Variants in LYZL2 observed in about 807,000 individuals in gnomAD.
LYZL2 encodes lysozyme like 2.
Under a neutral mutation model 17.1 loss-of-function variants are expected in LYZL2, and 13 were observed. That is an observed-to-expected ratio of 0.76 (90% confidence interval 0.49 to 1.21). The LOEUF (loss-of-function observed/expected upper bound fraction) is 1.21, where lower values mean the gene tolerates loss of function less well. Among genes scored for constraint, LYZL2 ranks in the 50% most tolerant of loss-of-function variants. LYZL2 has a pLI of 0.00. For missense variants in LYZL2, 166 were observed against 189.2 expected, an observed-to-expected ratio of 0.88 and a Z score of 0.72; for synonymous variants, 63 against 74.4, an observed-to-expected ratio of 0.85 and a Z score of 0.79.
At position 30,626,104 on chromosome 10, in the gene LYZL2, C is replaced by T. The variant is rs551361607; in HGVS notation, c.298+1G>A. ...GCATCACTGGAAAGTCAGAGCCTCA[C>T]CTGAGCAGGCGACGTGGCAGTGGTT... On this transcript the variant is annotated splice_donor_variant, in intron 3 of 4. Transcript: ENST00000647634. LOFTEE classifies it high-confidence loss of function. 485 of 1,613,452 alleles carry T rather than the reference C, an allele frequency of 3.0e-4. 5 individuals carry two copies. In the South Asian group the frequency reaches 5.1e-3, roughly 17 times the overall value.
chr10:30,614,747 A>AG (rs1193781746), intron 3 of LYZL2, among the ~76,000 whole-genome samples: 4 of 152,164 alleles, frequency 2.6e-5, no homozygotes, highest in Non-Finnish European at 4.4e-5. Context: ...TCAATGTCTC[A>AG]GGAAACCAAC....
At chr10:30,612,175 G>A in intron 4 of LYZL2, 151 bp from the exon 5 acceptor site, 1 of 954,726 alleles carries the variant, frequency 1.0e-6, no homozygotes, top group Non-Finnish European at 1.6e-6. Context: ...CTGTCATTTT[G>A]CCTAGTTCAG....
intron 3 of LYZL2, among the ~76,000 whole-genome samples, chr10:30,613,678 TAAATC>T (rs939185005): frequency 6.6e-6 from 1 of 152,160 alleles, no homozygotes; most frequent in Non-Finnish European, 1.5e-5. Context: ...TTTTACCTTT[TAAATC>T]AAATACACCA....
chr10:30,608,420 T>C (rs955282754), downstream of LYZL2, among the ~76,000 whole-genome samples: 5 of 152,226 alleles, frequency 3.3e-5, no homozygotes, highest in African/African-American at 9.6e-5. Flanking sequence ...CTTGAAGAGA[T>C]TAAATTGCTC....
In LYZL2 at chr10:30,618,149, C is replaced by T. The variant is rs1322782237; in HGVS notation, c.299-5249G>A. On this transcript the variant is annotated intron_variant, in intron 3 of 4. Transcript: ENST00000647634. Reference sequence around the variant, plus strand: ...TGAAGGACCTCTTCAAGGAGAACTACAAACCACTGCTCAAGGAAGTAAAAG... The same window carrying T: ...TGAAGGACCTCTTCAAGGAGAACTATAAACCACTGCTCAAGGAAGTAAAAG... Among the ~76,000 whole-genome samples, 3 of 152,066 alleles carry T rather than the reference C, an allele frequency of 2.0e-5. No homozygotes were observed. In the East Asian group the frequency reaches 5.8e-4, roughly 29 times the overall value.
At chr10:30,612,930 C>A (rs781642095) in intron 3 of LYZL2, 30 bp from the exon 4 acceptor site, 6 of 1,585,082 alleles carry the variant, frequency 3.8e-6, no homozygotes, top group Non-Finnish European at 4.3e-6. Flanking sequence ...CAGGGTTAGG[C>A]GAGACTTTGT....
intron 3 of LYZL2, among the ~76,000 whole-genome samples, chr10:30,617,747 C>G (rs1332387751): frequency 1.3e-5 from 2 of 149,452 alleles, no homozygotes; most frequent in African/African-American, 2.5e-5. Context: ...TGGAAGCATT[C>G]CCTTTGAAAA....
downstream of LYZL2, among the ~76,000 whole-genome samples, chr10:30,607,789 C>A (rs1838393175): frequency 6.6e-6 from 1 of 152,118 alleles, no homozygotes; most frequent in African/African-American, 2.4e-5. Flanking sequence ...GAATTTCCAC[C>A]CTTAGACATC....
chr10:30,621,680 A>G (rs1415554281), intron 3 of LYZL2, among the ~76,000 whole-genome samples: 1 of 152,192 alleles, frequency 6.6e-6, no homozygotes, highest in Admixed American at 6.5e-5. Flanking sequence ...CAAAATAAGT[A>G]CAGATATTTT....
chr10:30,614,264 G>T (rs1316543531), intron 3 of LYZL2, among the ~76,000 whole-genome samples: 4 of 152,246 alleles, frequency 2.6e-5, no homozygotes, highest in African/African-American at 7.2e-5. Flanking sequence ...GGAATCGGCT[G>T]GGGGGAAGCA....
chr10:30,608,436 G>A (rs1588670844), downstream of LYZL2, among the ~76,000 whole-genome samples: 1 of 152,190 alleles, frequency 6.6e-6, no homozygotes, highest in African/African-American at 2.4e-5. Flanking sequence ...TGCTCCTGCA[G>A]ATCTTTCAGG....
chr10:30,620,736 A>T (rs774230243), intron 3 of LYZL2, among the ~76,000 whole-genome samples: 1 of 152,228 alleles, frequency 6.6e-6, no homozygotes, highest in African/African-American at 2.4e-5. Flanking sequence ...TATAAATATG[A>T]TGATTTATAT....
intron 3 of LYZL2, among the ~76,000 whole-genome samples, chr10:30,620,656 G>C (rs1838605640): frequency 6.6e-6 from 1 of 152,136 alleles, no homozygotes; most frequent in South Asian, 2.1e-4. Context: ...CTAAGAAAAA[G>C]ATCGGTCAAG....
intron 3 of LYZL2, among the ~76,000 whole-genome samples, chr10:30,624,418 C>T (rs530349536): frequency 6.6e-6 from 1 of 152,326 alleles, no homozygotes; most frequent in East Asian, 1.9e-4. Context: ...TCCCGGCAGA[C>T]CTTTTGTACC....
At chr10:30,611,570 G>GGAAGGAAGGAAGGAAGGAAAGAAA (rs1491344870), downstream of LYZL2, among the ~76,000 whole-genome samples, 38 of 54,092 alleles carry the variant, frequency 7.0e-4, no homozygotes, top group Non-Finnish European at 1.1e-3. Flanking sequence ...AAGGAAGGAA[G>GGAAGGAAGGAAGGAAGGAAAGAAA]GAAAGAAAGA....
intron 3 of LYZL2, among the ~76,000 whole-genome samples, chr10:30,617,674 C>CAAAAAAAAAAAAAAAAAAAAAAAAAAAAA (rs1165550893): frequency 1.2e-4 from 6 of 50,218 alleles, no homozygotes; most frequent in East Asian, 1.1e-3. Flanking sequence ...GACTCTGTCT[C>CAAAAAAAAAAAAAAAAAAAAAAAAAAAAA]AAAAAAAAAA....
intron 3 of LYZL2, among the ~76,000 whole-genome samples, chr10:30,620,759 G>A (rs1443731753): frequency 1.3e-5 from 2 of 151,854 alleles, no homozygotes; most frequent in African/African-American, 4.8e-5. Flanking sequence ...AGGACTTAAA[G>A]AGAAACAGGA....
intron 3 of LYZL2, among the ~76,000 whole-genome samples, chr10:30,619,416 TGG>T (rs1838584769): frequency 1.3e-5 from 2 of 152,288 alleles, no homozygotes; most frequent in Admixed American, 1.3e-4. Flanking sequence ...AGTAAAGATT[TGG>T]AACCAACCCA....
At chr10:30,627,859 C>CT (rs1564411182) in intron 1 of LYZL2, among the ~76,000 whole-genome samples, 1 of 152,178 alleles carries the variant, frequency 6.6e-6, no homozygotes, top group Non-Finnish European at 1.5e-5. Flanking sequence ...GAATGGAAAA[C>CT]TTTAAGATTC....
Sources: gnomAD v4.1 joint callset for allele counts (sites outside exome capture counted in the v4.1 genomes callset) on GRCh38, gnomAD v4.1.1 for gene constraint, MANE v1.5 for transcripts, NCBI Gene and HGNC (gene_info 2026-07-23, HGNC 2026-07-21) for gene names.